SMARCAD1: variants seen among roughly 807,000 people sequenced by gnomAD.
The protein encoded by SMARCAD1 is SNF2 related chromatin remodeling ATPase with DExD box 1.
SMARCAD1 carries 25 observed loss-of-function variants against 127.1 expected under a neutral mutation model. That is an observed-to-expected ratio of 0.20 (90% CI 0.14 to 0.27). The LOEUF (loss-of-function observed/expected upper bound fraction) is 0.27. Ranked by LOEUF, SMARCAD1 falls within the 10% of genes least tolerant of loss-of-function variation. SMARCAD1 has a pLI of 1.00. For missense variants in SMARCAD1, 807 were observed against 1,206.0 expected, an observed-to-expected ratio of 0.67 and a Z score of 4.90; for synonymous variants, 400 against 396.9, an observed-to-expected ratio of 1.01 and a Z score of -0.09.
chr4:94,261,002 T>TTA lies in SMARCAD1; in HGVS notation c.1282-3704_1282-3703dup, dbSNP rs1750890266. On this transcript the variant is annotated intron_variant, in intron 9 of 23. Coordinates refer to ENST00000354268, the MANE Select transcript of SMARCAD1 (RefSeq NM_020159.5). ...GGAAGTTTCAGCTATGAAGGAAATT[T>TTA]TACACTTCAAAAAGCTGTTCAGTGG... is the stretch of plus-strand genomic sequence containing the variant. Among the ~76,000 whole-genome samples, 3 of 152,146 alleles carry TTA rather than the reference T, an allele frequency of 2.0e-5. No homozygotes were observed. In the South Asian group the frequency reaches 6.2e-4, roughly 32 times the overall value.
chr4:94,270,221 C>T (rs1476488476), intron 10 of SMARCAD1, among the ~76,000 whole-genome samples: 1 of 151,946 alleles, frequency 6.6e-6, no homozygotes, highest in Non-Finnish European at 1.5e-5. Context: ...ACATAATACA[C>T]ACATAAATGC....
chr4:94,265,047 G>A, intron 10 of SMARCAD1, 141 bp downstream of exon 10: 1 of 733,406 alleles, frequency 1.4e-6, no homozygotes, highest in Non-Finnish European at 2.3e-6. Context: ...TGGCACATAA[G>A]TGGACTATGA....
rs908180052 is a variant in SMARCAD1 at position 94,208,489 on chromosome 4, C to G, written c.95C>G (p.Pro32Arg). 2.5e-6 allele frequency: 4 copies of G among 1,613,980 alleles called. No homozygotes were observed. Among genetic ancestry groups the G allele is most frequent in the African/African-American group, 1.3e-5 (1 of 74,902 alleles). The change falls in exon 2 of 24, where the codon CCT becomes CGT. Residue 32 changes from proline (P) to arginine (R), a missense_variant. Around this residue, in one of 8 missense-constraint regions of SMARCAD1, gnomAD observed 175 missense variants for 169.5 expected, o/e 1.03. Transcript: ENST00000354268. ...ACCCCTCAACCTTCCCAGCCTGGCCCTTCTTCACCAATTTCTCTTAGTGCT... is the reference window on the plus strand; with the variant it reads ...ACCCCTCAACCTTCCCAGCCTGGCCGTTCTTCACCAATTTCTCTTAGTGCT... ...EATPQPSQPG[P>R]SSPISLSAEE...
chr4:94,285,704 A>G (rs4693381), intron 23 of SMARCAD1, among the ~76,000 whole-genome samples: 1 of 151,976 alleles, frequency 6.6e-6, no homozygotes, highest in Non-Finnish European at 1.5e-5. Context: ...AATAATTACT[A>G]GTCTTTCTTG....
chr4:94,261,097 C>A (rs1225016062), intron 9 of SMARCAD1, among the ~76,000 whole-genome samples: 1 of 149,558 alleles, frequency 6.7e-6, no homozygotes, highest in African/African-American at 2.5e-5. Context: ...TCGTGTAACA[C>A]AGCTTTTGAA....
chr4:94,241,712 A>G (rs915500477), intron 6 of SMARCAD1, among the ~76,000 whole-genome samples: 30 of 152,162 alleles, frequency 2.0e-4, no homozygotes, highest in Admixed American at 1.7e-3. Flanking sequence ...CTCCCAAGGA[A>G]TGGTGCTATA....
intron 14 of SMARCAD1, 131 bp from the exon 15 acceptor site, chr4:94,276,208 C>CT: frequency 1.2e-6 from 1 of 854,064 alleles, no homozygotes; most frequent in Non-Finnish European, 1.9e-6. Flanking sequence ...TCACCCGTGT[C>CT]TAGTGCTGTG....
At position 94,282,801 on chromosome 4, in the gene SMARCAD1, G is replaced by C. The variant is rs377322912; in HGVS notation, c.2727-320G>C. Among the ~76,000 whole-genome samples the C allele has an allele frequency of 1.4e-4, 21 of 152,102 alleles. No individual in the cohort carries two copies. The East Asian group carries it at 2.1e-3, about 15-fold the overall frequency. On this transcript the variant is annotated intron_variant, in intron 21 of 23. Transcript: ENST00000354268. ...TGCCAGTAGGAGCCGATATACTTCT[G>C]AGAAGGTTAAAGATTGAAAAGCCAT...
intron 5 of SMARCAD1, among the ~76,000 whole-genome samples, chr4:94,237,554 G>C (rs1746871596): frequency 1.3e-5 from 2 of 149,596 alleles, no homozygotes; most frequent in South Asian, 4.2e-4. Flanking sequence ...TATTTAAATA[G>C]TGAAAGCAAA....
intron 12 of SMARCAD1, 79 bp downstream of exon 12, chr4:94,273,795 G>A: frequency 9.1e-7 from 1 of 1,096,986 alleles, no homozygotes; most frequent in Non-Finnish European, 1.4e-6. Context: ...AAGGGTGTGT[G>A]TCGGAGGGGT....
At chr4:94,239,921 C>T (rs1178037408) in intron 5 of SMARCAD1, among the ~76,000 whole-genome samples, 1 of 152,044 alleles carries the variant, frequency 6.6e-6, no homozygotes, top group Admixed American at 6.6e-5. Flanking sequence ...GGTGATGTGG[C>T]AAGATTATCT....
Position 94,208,516 on chromosome 4 carries a change from A to C in SMARCAD1, c.122A>C (p.Glu41Ala), listed in dbSNP as rs1437639754. ...TCTTCACCAATTTCTCTTAGTGCTGAAGAGGAGAATGCTGAAGGGGAAGTT... is the reference window on the plus strand; with the variant it reads ...TCTTCACCAATTTCTCTTAGTGCTGCAGAGGAGAATGCTGAAGGGGAAGTT... ...GPSSPISLSAEEENAEGEVSR... is the reference protein window; with the variant it reads ...GPSSPISLSAAEENAEGEVSR... The change falls in exon 2 of 24, where the codon GAA becomes GCA. Residue 41 changes from glutamate (E) to alanine (A), a missense_variant. Transcript: ENST00000354268. 6 of 1,614,182 alleles carry C rather than the reference A, an allele frequency of 3.7e-6. No individual in the cohort carries two copies. The highest frequency in any genetic ancestry group is 1.1e-5 in the South Asian group (1 of 91,082).
intron 10 of SMARCAD1, among the ~76,000 whole-genome samples, chr4:94,270,149 T>G (rs1456191943): frequency 6.6e-6 from 1 of 151,786 alleles, no homozygotes; most frequent in Non-Finnish European, 1.5e-5. Context: ...GAAAGTAGCA[T>G]GTAAGTGTCA....
chr4:94,235,140 A>C (rs1746432267), intron 4 of SMARCAD1, among the ~76,000 whole-genome samples: 1 of 151,696 alleles, frequency 6.6e-6, no homozygotes, highest in South Asian at 2.1e-4. Context: ...TTTATGAAAT[A>C]ATGCAACTGA....
chr4:94,244,069 G>A (rs977873611), intron 6 of SMARCAD1, among the ~76,000 whole-genome samples: 6 of 152,188 alleles, frequency 3.9e-5, no homozygotes, highest in Non-Finnish European at 8.8e-5. Context: ...GACCAGGTTC[G>A]AGTGCTGGAA....
chr4:94,288,643 A>G (rs1322048227), intron 23 of SMARCAD1, among the ~76,000 whole-genome samples: 1 of 152,126 alleles, frequency 6.6e-6, no homozygotes, highest in East Asian at 1.9e-4. Flanking sequence ...GCTGAGGTGT[A>G]TATTTGTGAG....
intron 20 of SMARCAD1, 104 bp from the exon 21 acceptor site, chr4:94,281,368 T>G (rs1364513458): frequency 1.2e-6 from 1 of 838,080 alleles, no homozygotes; most frequent in Non-Finnish European, 2.0e-6. Context: ...TTCTGCAAAT[T>G]TATCAACATG....
rs199891976 is a variant in SMARCAD1, at chr4:94,276,402, C to T, written c.1872C>T (p.Tyr624=). The T allele has an allele frequency of 1.9e-5, 31 of 1,614,046 alleles. 1 individual carries two copies. The Middle Eastern group carries it at 8.2e-4, about 43-fold the overall frequency. ...RSLFRRLKLN[Y]AIFDEGHMLK... Reference sequence around the variant, plus strand: ...TGTTTCGACGGCTGAAACTTAATTACGCAATTTTTGATGAGGGCCATATGC... The same window carrying T: ...TGTTTCGACGGCTGAAACTTAATTATGCAATTTTTGATGAGGGCCATATGC... The change falls in exon 15 of 24, where the codon TAC becomes TAT. Residue 624 remains tyrosine, a synonymous_variant. Transcript: ENST00000354268.
chr4:94,287,267 GT>G (rs1349144122), intron 23 of SMARCAD1, among the ~76,000 whole-genome samples: 2 of 152,154 alleles, frequency 1.3e-5, no homozygotes. Flanking sequence ...GTCTTCAGCT[GT>G]GTCCCGGGTT....
Sources: gnomAD v4.1 joint callset for allele counts (sites outside exome capture counted in the v4.1 genomes callset) on GRCh38, gnomAD v4.1.1 for gene constraint, gnomAD v4.1.1 regional missense constraint, MANE v1.5 for transcripts, NCBI Gene and HGNC (gene_info 2026-07-23, HGNC 2026-07-21) for gene names.